The following MYO16 variants were observed in gnomAD, a reference collection of about 807,000 sequenced individuals.
MYO16 encodes the protein myosin XVI.
MYO16 carries 94 observed loss-of-function variants against 205.3 expected under a neutral mutation model. The ratio of observed to expected loss-of-function variants is 0.46; its 90% CI spans 0.39 to 0.54. The LOEUF is 0.54. MYO16 is among the 20% of genes least tolerant of loss of function. The pLI, the probability that MYO16 is intolerant of heterozygous loss-of-function variation, is 0.00. For synonymous variants in MYO16, 988 were observed against 954.0 expected (o/e 1.04, Z -0.66); for missense variants, 2,315 against 2,387.5 (o/e 0.97, Z 0.63).
At chr13:108,969,626 T>A (rs1002381639) in intron 20 of MYO16, among the ~76,000 whole-genome samples, 1 of 152,198 alleles carries the variant, frequency 6.6e-6, no homozygotes, top group Non-Finnish European at 1.5e-5. Context: ...ACCAAAGCCA[T>A]GCTCTGCTCA....
rs561965630 is a variant in MYO16, at chr13:108,757,261, A to G, written c.508-28374A>G. 3.3e-5 allele frequency among the ~76,000 whole-genome samples: 5 copies of G among 152,292 alleles called. No homozygotes were observed. The South Asian group carries it at 8.3e-4, about 25-fold the overall frequency. ...AATGTATTTATTCACTTCTGAGCACATTATGTCTGTGATGAATTCACCATG... is the reference window on the plus strand; with the variant it reads ...AATGTATTTATTCACTTCTGAGCACGTTATGTCTGTGATGAATTCACCATG... On this transcript the variant is annotated intron_variant, in intron 4 of 34. Coordinates refer to ENST00000457511, the MANE Select transcript of MYO16 (RefSeq NM_001198950.3).
At chr13:108,528,622 TC>T in the MYO16 span, among the ~76,000 whole-genome samples, 2 of 5,896 alleles carry the variant, frequency 3.4e-4, no homozygotes, top group Non-Finnish European at 7.2e-4. Context: ...TCCCCTCCCC[TC>T]TCCCCCTCCC....
At chr13:109,100,579 C>T (rs576630296) in intron 27 of MYO16, among the ~76,000 whole-genome samples, 64 of 152,284 alleles carry the variant, frequency 4.2e-4, no homozygotes, top group African/African-American at 1.3e-3. Flanking sequence ...ATATTTGACG[C>T]GTTGTAAAAA....
At chr13:108,787,066 T>A (rs1480293848) in intron 5 of MYO16, among the ~76,000 whole-genome samples, 1 of 152,238 alleles carries the variant, frequency 6.6e-6, no homozygotes, top group Non-Finnish European at 1.5e-5. Context: ...CTTGGCGCAA[T>A]GGTGCCTATA....
intron 4 of MYO16, among the ~76,000 whole-genome samples, chr13:108,749,276 G>C (rs1044445356): frequency 6.6e-6 from 1 of 152,004 alleles, no homozygotes; most frequent in Non-Finnish European, 1.5e-5. Flanking sequence ...CGCCTATCTG[G>C]CTAAAGTGTT....
intron 6 of MYO16, among the ~76,000 whole-genome samples, chr13:108,799,837 T>C (rs189470560): frequency 2.5e-3 from 373 of 152,236 alleles, no homozygotes; most frequent in African/African-American, 8.6e-3. Flanking sequence ...TCATCCATCA[T>C]TCCCTTACTA....
intron 20 of MYO16, among the ~76,000 whole-genome samples, chr13:108,986,301 T>C (rs113469215): frequency 0.012 from 1,794 of 152,226 alleles, 40 homozygotes; most frequent in African/African-American, 0.041. Flanking sequence ...AAGTTCAGTA[T>C]ATTTTTATAC....
chr13:108,791,721 G>A (rs1025517446), intron 5 of MYO16, among the ~76,000 whole-genome samples: 4 of 152,192 alleles, frequency 2.6e-5, no homozygotes, highest in Non-Finnish European at 5.9e-5. Context: ...TACCAGATAT[G>A]CAACACGCTT....
intron 1 of MYO16, among the ~76,000 whole-genome samples, chr13:108,623,492 C>T (rs879039232): frequency 6.6e-6 from 1 of 152,062 alleles, no homozygotes. Context: ...TTAATGGCGC[C>T]TTCATGGGGG....
At chr13:108,725,696 T>C (rs61969550) in intron 3 of MYO16, among the ~76,000 whole-genome samples, 37,287 of 151,948 alleles carry the variant, frequency 0.25, 5,627 homozygotes, top group African/African-American at 0.44. Flanking sequence ...GTGCAAGTGC[T>C]GATCATTATT....
At chr13:108,640,801 C>A (rs1880472823) in intron 1 of MYO16, among the ~76,000 whole-genome samples, 1 of 152,152 alleles carries the variant, frequency 6.6e-6, no homozygotes, top group South Asian at 2.1e-4. Flanking sequence ...ACCATAAGAG[C>A]AACAAGACAG....
chr13:108,591,361 A>G (rs1878394013), upstream of MYO16, among the ~76,000 whole-genome samples: 1 of 152,214 alleles, frequency 6.6e-6, no homozygotes, highest in Admixed American at 6.5e-5. Context: ...TCCTAAACAT[A>G]AAAGAGGAGC....
intron 16 of MYO16, among the ~76,000 whole-genome samples, chr13:108,911,953 C>T (rs1881287637): frequency 6.6e-6 from 1 of 152,184 alleles, no homozygotes; most frequent in Non-Finnish European, 1.5e-5. Context: ...TGCCATTTAC[C>T]TCGTGACAAG....
intron 32 of MYO16, among the ~76,000 whole-genome samples, chr13:109,158,353 A>C (rs1878180975): frequency 6.6e-6 from 1 of 152,168 alleles, no homozygotes; most frequent in Non-Finnish European, 1.5e-5. Context: ...ATTCTTCCTT[A>C]AGAGAAGTTC....
At chr13:108,533,056 T>A in the MYO16 span, among the ~76,000 whole-genome samples, 1 of 152,152 alleles carries the variant, frequency 6.6e-6, no homozygotes, top group Non-Finnish European at 1.5e-5. Flanking sequence ...TCCCATCTGA[T>A]GACTTCTGTT....
At chr13:108,641,931 G>A (rs1232061814) in intron 1 of MYO16, among the ~76,000 whole-genome samples, 1 of 152,166 alleles carries the variant, frequency 6.6e-6, no homozygotes, top group Non-Finnish European at 1.5e-5. Context: ...AGGTTGGACA[G>A]GGAGGCAGCA....
chr13:108,696,087 C>A (rs138211705), intron 2 of MYO16, among the ~76,000 whole-genome samples: 1 of 152,080 alleles, frequency 6.6e-6, no homozygotes, highest in Non-Finnish European at 1.5e-5. Context: ...AATCCATGGA[C>A]GATAGCATTG....
At chr13:109,029,112 CT>C (rs200871485) in intron 23 of MYO16, among the ~76,000 whole-genome samples, 16,223 of 97,914 alleles carry the variant, frequency 0.17, 560 homozygotes, top group East Asian at 0.23. Flanking sequence ...TTTTTCTTTT[CT>C]TTTTTTTTTT....
At chr13:108,534,014 T>C in the MYO16 span, among the ~76,000 whole-genome samples, 1 of 152,196 alleles carries the variant, frequency 6.6e-6, no homozygotes, top group Non-Finnish European at 1.5e-5. Flanking sequence ...AGGCTGGATA[T>C]TACTGGAAGT....
Sources: gnomAD v4.1 joint callset for allele counts (sites outside exome capture counted in the v4.1 genomes callset) on GRCh38, gnomAD v4.1.1 for gene constraint, MANE v1.5 for transcripts, NCBI Gene and HGNC (gene_info 2026-07-23, HGNC 2026-07-21) for gene names.